The following POLE3 variants were observed in gnomAD, a reference collection of about 807,000 sequenced individuals.
POLE3 encodes the protein DNA polymerase epsilon subunit 3.
Under a neutral mutation model 16.1 loss-of-function variants are expected in POLE3, and 10 were observed. The ratio of observed to expected loss-of-function variants is 0.62; its 90% CI spans 0.38 to 1.05. The LOEUF (loss-of-function observed/expected upper bound fraction) is 1.05. Among genes scored for constraint, POLE3 ranks in the 50% least tolerant of loss-of-function variants. The probability of loss-of-function intolerance (pLI) is 0.01; values close to 1 mark genes in which losing one functional copy is unlikely to be tolerated. For synonymous variants in POLE3, 83 were observed against 71.0 expected, an observed-to-expected ratio of 1.17 and a Z score of -0.85; for missense variants, 169 against 185.0, an observed-to-expected ratio of 0.91 and a Z score of 0.50.
intron 4 of POLE3, among the ~76,000 whole-genome samples, 184 bp from the exon 5 acceptor site, chr9:113,409,167 G>T (rs1412346972): frequency 6.6e-6 from 1 of 151,998 alleles, no homozygotes; most frequent in Non-Finnish European, 1.5e-5. Context: ...TTCAAGACCA[G>T]CCTGGCCAAT....
intron 4 of POLE3, 132 bp from the exon 5 acceptor site, chr9:113,409,115 A>T: frequency 1.4e-6 from 1 of 729,766 alleles, no homozygotes; most frequent in South Asian, 1.7e-5. Context: ...TAATCCCAGC[A>T]CTTTGGGAGG....
chr9:113,409,766 T>G (rs1240758669), intron 3 of POLE3, 38 bp from the exon 4 acceptor site: 11 of 1,351,480 alleles, frequency 8.1e-6, no homozygotes, highest in Non-Finnish European at 1.1e-5. Context: ...CCCTCTTGTT[T>G]GTAAGGCGTG....
chr9:113,408,627 T>G lies in POLE3; in HGVS notation c.*184A>C, dbSNP rs1827986323. The G allele has an allele frequency of 1.8e-6, 1 of 555,820 alleles. No individual in the cohort carries two copies. Among genetic ancestry groups the G allele is most frequent in the South Asian group, 2.5e-5 (1 of 40,490 alleles). The allele number at this position is 555,820 out of a possible 1,614,324, so 34.4% of individuals were successfully genotyped here. A position where few individuals can be genotyped will look rare whatever the true frequency, so the allele number is the denominator to read the frequency against. On this transcript the variant is annotated 3_prime_UTR_variant, in exon 5 of 5. Transcript: ENST00000374171. ...TTGATGAAGCAAAACAGGATTCTGC[T>G]ACTCAGATGCTCTGAGTTTGGTAAG...
In POLE3 at chr9:113,409,743, AG is replaced by A. The variant is rs1828040488; in HGVS notation, c.153-16del. The A allele has an allele frequency of 6.6e-7, 1 of 1,509,986 alleles. No individual in the cohort carries two copies. The highest frequency in any genetic ancestry group is 1.7e-5 in the Admixed American group (1 of 59,852). 93.5% of individuals were successfully genotyped at this position (1,509,986 alleles called of 1,614,324 possible). A position where few individuals can be genotyped will look rare whatever the true frequency, so the allele number is the denominator to read the frequency against. ...AGTTGTTAGCACTGAGAGAAGAGAA[AG>A]GCTGTCAGACTCCCTCTTGTTTGTA... On this transcript the variant is annotated splice_polypyrimidine_tract_variant and intron_variant, in intron 3 of 4. Transcript: ENST00000374171.
In POLE3 at chr9:113,409,716, A is replaced by G. The variant is rs1434293231; in HGVS notation, c.165T>C (p.Phe55=). Residue 55 remains phenylalanine, a synonymous_variant, in exon 4 of 5, where the codon TTT becomes TTC. Coordinates refer to ENST00000374171, the MANE Select transcript of POLE3 (RefSeq NM_017443.5). ...GCGTCTTCCGCTTTCCTTTCATTGCAAAGTTGTTAGCACTGAGAGAAGAGA... is the reference window on the plus strand; with the variant it reads ...GCGTCTTCCGCTTTCCTTTCATTGCGAAGTTGTTAGCACTGAGAGAAGAGA... ...VLYATSCANN[F]AMKGKRKTLN... 6.2e-7 allele frequency: 1 copy of G among 1,607,904 alleles called. No homozygotes were observed.
Position 113,410,365 on chromosome 9 carries a change from G to A in POLE3, c.-72C>T. On this transcript the variant is annotated 5_prime_UTR_variant, in exon 2 of 5. Transcript: ENST00000374171. ...CTACTGCGTCCGGACTTCCCGCGTCGCTACGGTCTGACCCTGCGAGGTTTC... is the reference window on the plus strand; with the variant it reads ...CTACTGCGTCCGGACTTCCCGCGTCACTACGGTCTGACCCTGCGAGGTTTC... The A allele has an allele frequency of 1.4e-6, 2 of 1,413,804 alleles. No homozygotes were observed. Among genetic ancestry groups the A allele is most frequent in the Non-Finnish European group, 2.0e-6 (2 of 1,019,204 alleles). 87.6% of individuals were successfully genotyped at this position (1,413,804 alleles called of 1,614,324 possible). A position where few individuals can be genotyped will look rare whatever the true frequency, so the allele number is the denominator to read the frequency against.
At chr9:113,410,446 C>G in intron 1 of POLE3, 38 bp from the exon 2 acceptor site, 1 of 657,874 alleles carries the variant, frequency 1.5e-6, no homozygotes, top group South Asian at 1.8e-5. Flanking sequence ...CCATAGCCTC[C>G]CTCCTCCCCC....
Position 113,410,123 on chromosome 9 carries a change from G to A in POLE3, c.84C>T (p.Asn28=), listed in dbSNP as rs758253727. 8 of 1,596,094 alleles carry A rather than the reference G, an allele frequency of 5.0e-6. No individual in the cohort carries two copies. The highest frequency in any genetic ancestry group is 1.8e-5 in the Admixed American group (1 of 57,034). ...IIKEALPDGV[N]ISKEARSAIS... ...TGGCGCTCCGGGCCTCCTTGGAGATGTTGACACCGTCCGGGAGCTGCGAGG... is the reference window on the plus strand; with the variant it reads ...TGGCGCTCCGGGCCTCCTTGGAGATATTGACACCGTCCGGGAGCTGCGAGG... The change falls in exon 3 of 5, where the codon AAC becomes AAT. Residue 28 remains asparagine, a synonymous_variant. Coordinates refer to ENST00000374171, the MANE Select transcript of POLE3 (RefSeq NM_017443.5).
chr9:113,409,221 G>A (rs1828010678), intron 4 of POLE3, among the ~76,000 whole-genome samples: 1 of 151,992 alleles, frequency 6.6e-6, no homozygotes, highest in South Asian at 2.1e-4. Context: ...TGAGCCGCAC[G>A]TGGTGGCGTG....
chr9:113,408,252 T>G lies in POLE3; in HGVS notation c.*559A>C, dbSNP rs1313197472. The G allele has an allele frequency of 6.6e-6, 1 of 152,390 alleles. No homozygotes were observed. The highest frequency in any genetic ancestry group is 1.5e-5 in the Non-Finnish European group (1 of 68,170). 9.4% of individuals were successfully genotyped at this position (152,390 alleles called of 1,614,324 possible). The stretch of plus-strand genomic sequence containing the variant: ...TCTATGAAAAACAAAATTCAGTTAA[T>G]GCTTCTGTCAAGTGAAGAGAGAGAA... On this transcript the variant is annotated 3_prime_UTR_variant, in exon 5 of 5. Coordinates refer to ENST00000374171, the MANE Select transcript of POLE3 (RefSeq NM_017443.5).
In POLE3 at chr9:113,408,930, C is replaced by T. The variant is rs761753896; in HGVS notation, c.325G>A (p.Asp109Asn). Residue 109 changes from aspartate (D) to asparagine (N), a missense_variant, in exon 5 of 5, where the codon GAC (aspartate) becomes AAC (asparagine). Physicochemically the swap from Asp to Asn is conservative, Grantham distance 23 (BLOSUM62 1). Transcript: ENST00000374171. Reference protein sequence around the residue: ...KKEASEQKKKDKDKKTDSEEQ... With the variant: ...KKEASEQKKKNKDKKTDSEEQ... ...TCCGAGTCTGTTTTTTTGTCTTTGT[C>T]CTTCTTCTTTTGCTCTGAGGCCTCC... is the stretch of plus-strand genomic sequence containing the variant. 1.9e-6 allele frequency: 3 copies of T among 1,613,512 alleles called. No homozygotes were observed. The highest frequency in any genetic ancestry group is 1.1e-5 in the South Asian group (1 of 90,994).
chr9:113,410,133 T>C lies in POLE3; in HGVS notation c.74A>G (p.Asp25Gly). The change falls in exon 3 of 5, where the codon GAC becomes GGC. Residue 25 changes from aspartate to glycine, a missense_variant. Asp to Gly is a moderately conservative substitution (Grantham distance 94). Coordinates refer to ENST00000374171, the MANE Select transcript of POLE3 (RefSeq NM_017443.5). ...ITRIIKEALPDGVNISKEARS... is the reference protein window; with the variant it reads ...ITRIIKEALPGGVNISKEARS... ...GGCCTCCTTGGAGATGTTGACACCG[T>C]CCGGGAGCTGCGAGGAGACCGGGGG... is the stretch of plus-strand genomic sequence containing the variant. 6.3e-7 allele frequency: 1 copy of C among 1,598,598 alleles called. No individual in the cohort carries two copies. The highest frequency in any genetic ancestry group is 1.1e-5 in the South Asian group (1 of 88,842).
At chr9:113,410,583 C>A (rs35731274) in intron 1 of POLE3, 34 bp downstream of exon 1, 14 of 512,146 alleles carry the variant, frequency 2.7e-5, no homozygotes, top group Non-Finnish European at 4.6e-5. Flanking sequence ...CATTTCTCTG[C>A]TTCTCGCCAT....
At chr9:113,409,506 T>G in intron 4 of POLE3, 104 bp downstream of exon 4, 1 of 715,034 alleles carries the variant, frequency 1.4e-6, no homozygotes, top group Non-Finnish European at 2.5e-6. Context: ...AGTGCTGGCT[T>G]ACTGGACTTA....
chr9:113,410,654 C>T lies in POLE3; in HGVS notation c.-153G>A, dbSNP rs1828092143. On this transcript the variant is annotated 5_prime_UTR_variant, in exon 1 of 5. The change abolishes an upstream ATG in the 5' untranslated region. Transcript: ENST00000374171. ...CTCAATGGAGCTTCCGTCCGTTTCC[C>T]ATGGTGCCCTGCGCCGCTGCTGGGT... 1 of 316,482 alleles carries T rather than the reference C, an allele frequency of 3.2e-6. No homozygotes were observed. 19.6% of individuals were successfully genotyped at this position (316,482 alleles called of 1,614,324 possible).
At position 113,409,574 on chromosome 9, in the gene POLE3, T is replaced by C. The variant is rs367592530; in HGVS notation, c.271+36A>G. The C allele has an allele frequency of 5.5e-5, 69 of 1,258,884 alleles. 1 individual carries two copies. Among genetic ancestry groups the C allele is most frequent in the African/African-American group, 4.7e-4 (32 of 68,188 alleles). The allele number at this position is 1,258,884 out of a possible 1,614,324, so 78.0% of individuals were successfully genotyped here. A position where few individuals can be genotyped will look rare whatever the true frequency, so the allele number is the denominator to read the frequency against. Reference sequence around the variant, plus strand: ...GTGAACAGGTCACACAGGATGACCATCTTCTATGTGGTTTAGAAGACAAGA... The same window carrying C: ...GTGAACAGGTCACACAGGATGACCACCTTCTATGTGGTTTAGAAGACAAGA... On this transcript the variant is annotated intron_variant, in intron 4 of 4. Coordinates refer to ENST00000374171, the MANE Select transcript of POLE3 (RefSeq NM_017443.5).
Position 113,410,370 on chromosome 9 carries a change from G to A in POLE3, c.-77C>T. 4 of 1,376,820 alleles carry A rather than the reference G, an allele frequency of 2.9e-6. No individual in the cohort carries two copies. Among genetic ancestry groups the A allele is most frequent in the Admixed American group, 1.9e-5 (1 of 53,360 alleles). 85.3% of individuals were successfully genotyped at this position (1,376,820 alleles called of 1,614,324 possible). ...GCGTCCGGACTTCCCGCGTCGCTAC[G>A]GTCTGACCCTGCGAGGTTTCCGTTC... On this transcript the variant is annotated 5_prime_UTR_variant, in exon 2 of 5. Transcript: ENST00000374171.
At chr9:113,409,061 C>T (rs1198062542) in intron 4 of POLE3, 78 bp from the exon 5 acceptor site, 3 of 1,391,926 alleles carry the variant, frequency 2.2e-6, no homozygotes, top group Non-Finnish European at 3.0e-6. Flanking sequence ...TTACATTGTA[C>T]AATTGGAAAA....
At chr9:113,409,578 C>T in intron 4 of POLE3, 32 bp downstream of exon 4, 16 of 1,296,806 alleles carry the variant, frequency 1.2e-5, no homozygotes, top group Non-Finnish European at 1.8e-5. Context: ...TGACCATCTT[C>T]TATGTGGTTT....
Sources: gnomAD v4.1 joint callset for allele counts (sites outside exome capture counted in the v4.1 genomes callset) on GRCh38, gnomAD v4.1.1 for gene constraint, MANE v1.5 for transcripts, NCBI Gene and HGNC (gene_info 2026-07-23, HGNC 2026-07-21) for gene names.